The following ATP8B4 variants were observed in gnomAD, a reference collection of about 807,000 sequenced individuals.
ATP8B4 encodes the protein probable phospholipid-transporting ATPase IM.
Under a neutral mutation model 145.6 loss-of-function variants are expected in ATP8B4, and 133 were observed. The observed-to-expected ratio is 0.91, with a 90% confidence interval of 0.79 to 1.05. The LOEUF is 1.05. Among genes scored for constraint, ATP8B4 ranks in the 50% least tolerant of loss-of-function variants. The pLI is 0.00. For missense variants in ATP8B4, 1,458 were observed against 1,425.2 expected (o/e 1.02, Z -0.37); for synonymous variants, 507 against 492.9 (o/e 1.03, Z -0.38).
At chr15:50,140,408 T>G (rs905205052) in intron 1 of ATP8B4, among the ~76,000 whole-genome samples, 1 of 152,200 alleles carries the variant, frequency 6.6e-6, no homozygotes, top group Non-Finnish European at 1.5e-5. Context: ...GTGTAATGTG[T>G]AAGCCATAAT....
At chr15:49,866,273 C>T (rs2032775424) in intron 26 of ATP8B4, 73 bp downstream of exon 26, 1 of 1,536,936 alleles carries the variant, frequency 6.5e-7, no homozygotes, top group African/African-American at 1.4e-5. Context: ...CTCTACCTAA[C>T]ACAAAAAATA....
intron 3 of ATP8B4, among the ~76,000 whole-genome samples, chr15:50,048,203 T>C (rs2051875364): frequency 6.6e-6 from 1 of 151,844 alleles, no homozygotes; most frequent in Non-Finnish European, 1.5e-5. Context: ...AAAGGAAACC[T>C]CTGGGAAGGC....
intron 6 of ATP8B4, among the ~76,000 whole-genome samples, chr15:50,029,255 A>AAAAAAAC (rs776952913): frequency 7.1e-5 from 10 of 141,272 alleles, no homozygotes; most frequent in African/African-American, 2.6e-4. Context: ...AAAAAAAAAA[A>AAAAAAAC]AACAGAAAAA....
intron 21 of ATP8B4, among the ~76,000 whole-genome samples, chr15:49,899,630 T>A (rs2037802296): frequency 6.6e-6 from 1 of 152,198 alleles, no homozygotes; most frequent in African/African-American, 2.4e-5. Flanking sequence ...TAGAATGGTC[T>A]CTTTCTCTCT....
intron 20 of ATP8B4, among the ~76,000 whole-genome samples, chr15:49,904,490 C>T (rs2038393206): frequency 6.6e-6 from 1 of 152,162 alleles, no homozygotes; most frequent in African/African-American, 2.4e-5. Context: ...TAAGTAAGTG[C>T]TCTAAAATTT....
Position 50,075,592 on chromosome 15 carries a change from C to A in ATP8B4, c.29-1407G>T, listed in dbSNP as rs978503577. Among the ~76,000 whole-genome samples the A allele has an allele frequency of 3.9e-5, 6 of 152,196 alleles. 1 individual carries two copies. The highest frequency in any genetic ancestry group is 6.3e-3 in the Middle Eastern group (2 of 316). On this transcript the variant is annotated intron_variant, in intron 2 of 27. Coordinates refer to ENST00000284509, the MANE Select transcript of ATP8B4 (RefSeq NM_024837.4). ...GTTCCTGTTTTCTAGTCCGGCTCAA[C>A]TAACTGCTGATAAGAACAATATTGG...
intron 15 of ATP8B4, among the ~76,000 whole-genome samples, chr15:49,933,121 A>G (rs12101700): frequency 0.38 from 57,531 of 151,834 alleles, 11,531 homozygotes; most frequent in African/African-American, 0.42. Flanking sequence ...AGTTCAAAGT[A>G]AAATGGTCAG....
intron 15 of ATP8B4, among the ~76,000 whole-genome samples, chr15:49,932,045 A>G (rs991038582): frequency 4.0e-5 from 6 of 150,164 alleles, no homozygotes; most frequent in Non-Finnish European, 8.8e-5. Context: ...CTTATATAAA[A>G]TTATATTATA....
chr15:50,046,710 G>A (rs1425466125), intron 4 of ATP8B4, among the ~76,000 whole-genome samples: 3 of 152,168 alleles, frequency 2.0e-5, no homozygotes, highest in Non-Finnish European at 2.9e-5. Flanking sequence ...AACTATTTAT[G>A]TGTGTGTATA....
At chr15:50,087,536 TAGTA>T (rs906317296) in intron 2 of ATP8B4, among the ~76,000 whole-genome samples, 33 of 151,138 alleles carry the variant, frequency 2.2e-4, no homozygotes, top group Non-Finnish European at 4.4e-4. Context: ...TTATTATACT[TAGTA>T]AGTATAATAA....
intron 23 of ATP8B4, among the ~76,000 whole-genome samples, chr15:49,892,627 G>A (rs1396984511): frequency 1.3e-5 from 2 of 152,150 alleles, no homozygotes; most frequent in African/African-American, 2.4e-5. Context: ...ATTCCACAAT[G>A]TCCCAAAGTG....
In ATP8B4 at chr15:49,860,557, CTT is replaced by C. The variant is rs368198421; in HGVS notation, c.3298-84_3298-83del. 85 of 1,257,082 alleles carry C rather than the reference CTT, an allele frequency of 6.8e-5. No individual in the cohort carries two copies. The Admixed American group carries it at 1.3e-3, about 19-fold the overall frequency. The allele number at this position is 1,257,082 out of a possible 1,614,324, so 77.9% of individuals were successfully genotyped here. A position where few individuals can be genotyped will look rare whatever the true frequency, so the allele number is the denominator to read the frequency against. ...GTGGCCCACTTTGTAAAGTGAAAGC[CTT>C]TTTTTTTTATAAGTAAAAACAACAT... On this transcript the variant is annotated intron_variant, in intron 27 of 27. Transcript: ENST00000284509.
At chr15:49,908,006 C>T (rs1464106185) in intron 20 of ATP8B4, 2 of 455,656 alleles carry the variant, frequency 4.4e-6, no homozygotes, top group African/African-American at 4.0e-5. Flanking sequence ...AGATTCACAT[C>T]CCACCTGAAC....
chr15:50,020,706 T>C (rs2049485486), intron 6 of ATP8B4, among the ~76,000 whole-genome samples: 1 of 152,162 alleles, frequency 6.6e-6, no homozygotes, highest in South Asian at 2.1e-4. Flanking sequence ...TCTTGGAACC[T>C]CAGCCAACAA....
intron 25 of ATP8B4, among the ~76,000 whole-genome samples, chr15:49,873,317 T>G (rs999638686): frequency 6.6e-6 from 1 of 152,344 alleles, no homozygotes; most frequent in African/African-American, 2.4e-5. Context: ...TAGAGGATCA[T>G]GCTGAGAATT....
At chr15:50,009,698 C>A (rs2048582474) in intron 7 of ATP8B4, 1 of 454,492 alleles carries the variant, frequency 2.2e-6, no homozygotes, top group Non-Finnish European at 4.4e-6. Flanking sequence ...GATGGACAAG[C>A]AAATTTAAAT....
chr15:49,934,975 CT>C (rs1214540139), intron 14 of ATP8B4, among the ~76,000 whole-genome samples: 2 of 150,282 alleles, frequency 1.3e-5, no homozygotes, highest in East Asian at 3.8e-4. Flanking sequence ...TGTAACTACT[CT>C]TTTAAAGAGA....
chr15:50,138,785 A>G (rs1177019550), intron 1 of ATP8B4, among the ~76,000 whole-genome samples: 2 of 152,182 alleles, frequency 1.3e-5, no homozygotes, highest in Non-Finnish European at 2.9e-5. Context: ...TCTTATACCC[A>G]TACAACCGCC....
Position 50,044,656 on chromosome 15 carries a change from T to A in ATP8B4, c.238A>T (p.Thr80Ser), listed in dbSNP as rs758259882. Residue 80 changes from threonine (T) to serine (S), a missense_variant, in exon 5 of 28, where the codon ACC becomes TCC. By Grantham distance (58) the Thr-to-Ser change is moderately conservative (BLOSUM62 1). Coordinates refer to ENST00000284509, the MANE Select transcript of ATP8B4 (RefSeq NM_024837.4). The part of the protein sequence containing the change: ...PEISSLTWFT[T>S]IVPLVLVITM... ...ATCACCAGGACCAAAGGCACAATGG[T>A]GGTAAACCAGGTCAAGGAGGAAATT... 3.5e-5 allele frequency: 56 copies of A among 1,613,526 alleles called. No homozygotes were observed. In the East Asian group the frequency reaches 1.2e-3, roughly 35 times the overall value.
Sources: gnomAD v4.1 joint callset for allele counts (sites outside exome capture counted in the v4.1 genomes callset) on GRCh38, gnomAD v4.1.1 for gene constraint, MANE v1.5 for transcripts, NCBI Gene and HGNC (gene_info 2026-07-23, HGNC 2026-07-21) for gene names.